The following CNKSR3 variants were observed in gnomAD, a reference collection of about 807,000 sequenced individuals.
CNKSR3 encodes the protein CNKSR family member 3.
CNKSR3 carries 36 observed loss-of-function variants against 67.7 expected under a neutral mutation model. The observed-to-expected ratio is 0.53, with a 90% CI of 0.41 to 0.70. The LOEUF is 0.70. Ranked by LOEUF, CNKSR3 falls within the 30% of genes least tolerant of loss-of-function variation. The pLI is 0.00. For missense variants in CNKSR3, 630 were observed against 695.2 expected (o/e 0.91, Z 1.05); for synonymous variants, 281 against 271.4 (o/e 1.04, Z -0.35).
rs1392873371 is a variant in CNKSR3, at chr6:154,389,710, C to T, written c.*16644G>A. 1 of 152,072 alleles carries T rather than the reference C, an allele frequency of 6.6e-6. No homozygotes were observed. Among genetic ancestry groups the T allele is most frequent in the South Asian group, 2.1e-4 (1 of 4,828 alleles). 9.4% of individuals were successfully genotyped at this position (152,072 alleles called of 1,614,324 possible). On this transcript the variant is annotated 3_prime_UTR_variant, in exon 13 of 13. Coordinates refer to ENST00000607772, the MANE Select transcript of CNKSR3 (RefSeq NM_173515.4). ...AGGAATTCAATAAAGTTGCATAATA[C>T]AAAATCAACATACAAAAATCAGTTG... is the stretch of plus-strand genomic sequence containing the variant.
At chr6:154,476,411 C>T (rs550979765) in intron 1 of CNKSR3, among the ~76,000 whole-genome samples, 8 of 147,208 alleles carry the variant, frequency 5.4e-5, no homozygotes, top group East Asian at 2.0e-4. Context: ...GAGCCGAGAT[C>T]GTGCCATTGC....
At chr6:154,435,780 C>G (rs1785458889) in intron 4 of CNKSR3, among the ~76,000 whole-genome samples, 1 of 152,228 alleles carries the variant, frequency 6.6e-6, no homozygotes, top group South Asian at 2.1e-4. Flanking sequence ...CTCAGCACCC[C>G]CCTGCCTCTC....
At chr6:154,410,173 G>T (rs1481811538) in intron 12 of CNKSR3, among the ~76,000 whole-genome samples, 170 bp downstream of exon 12, 1 of 152,172 alleles carries the variant, frequency 6.6e-6, no homozygotes, top group Non-Finnish European at 1.5e-5. Context: ...AAATAAGTAG[G>T]ATCTTAAAGA....
At chr6:154,446,222 G>A (rs756872692) in intron 2 of CNKSR3, among the ~76,000 whole-genome samples, 1 of 152,026 alleles carries the variant, frequency 6.6e-6, no homozygotes, top group Non-Finnish European at 1.5e-5. Flanking sequence ...ACACTAAATG[G>A]GAGAAAAGGA....
Position 154,487,262 on chromosome 6 carries a change from A to C in CNKSR3, c.52+22801T>G, listed in dbSNP as rs1385728989. The stretch of plus-strand genomic sequence containing the variant: ...GGAAGATGTGATTTTTTTTTCCAGG[A>C]TATGCCTGAGTTCTATGCAACAAAA... On this transcript the variant is annotated intron_variant, in intron 1 of 12. Coordinates refer to ENST00000607772, the MANE Select transcript of CNKSR3 (RefSeq NM_173515.4). Among the ~76,000 whole-genome samples, 10 of 152,226 alleles carry C rather than the reference A, an allele frequency of 6.6e-5. No homozygotes were observed. In the East Asian group the frequency reaches 1.9e-3, roughly 29 times the overall value.
chr6:154,407,401 CA>C (rs1259613366), intron 12 of CNKSR3, among the ~76,000 whole-genome samples: 1 of 152,164 alleles, frequency 6.6e-6, no homozygotes, highest in East Asian at 1.9e-4. Context: ...AAATACAGTA[CA>C]CTTTGGTAAC....
At chr6:154,441,596 G>C (rs2128717600) in intron 3 of CNKSR3, among the ~76,000 whole-genome samples, 1 of 152,272 alleles carries the variant, frequency 6.6e-6, no homozygotes, top group South Asian at 2.1e-4. Context: ...CAACTCTCCT[G>C]CCTCAGCCTC....
rs1785408377 is a variant in CNKSR3 at position 154,433,391 on chromosome 6, A to G, written c.549+75T>C. On this transcript the variant is annotated intron_variant, in intron 5 of 12. Coordinates refer to ENST00000607772, the MANE Select transcript of CNKSR3 (RefSeq NM_173515.4). ...AGTATCTCCTGAAGTAATTAGCCAC[A>G]GGGCATTTACTTAATGTGATTCCCA... is the stretch of plus-strand genomic sequence containing the variant. 6.1e-6 allele frequency: 6 copies of G among 976,068 alleles called. No individual in the cohort carries two copies. In the South Asian group the frequency reaches 8.4e-5, roughly 14 times the overall value. 60.5% of individuals were successfully genotyped at this position (976,068 alleles called of 1,614,324 possible). A position where few individuals can be genotyped will look rare whatever the true frequency, so the allele number is the denominator to read the frequency against.
At chr6:154,458,006 TGC>T (rs1785995328) in intron 1 of CNKSR3, among the ~76,000 whole-genome samples, 1 of 152,242 alleles carries the variant, frequency 6.6e-6, no homozygotes, top group Non-Finnish European at 1.5e-5. Flanking sequence ...GGCCAAATCC[TGC>T]CAGCTGCCTG....
At chr6:154,507,331 C>T (rs1192523276) in intron 1 of CNKSR3, among the ~76,000 whole-genome samples, 3 of 152,184 alleles carry the variant, frequency 2.0e-5, no homozygotes, top group Non-Finnish European at 2.9e-5. Context: ...CAGGTTTAGA[C>T]AGTTTTAAAT....
intron 1 of CNKSR3, among the ~76,000 whole-genome samples, chr6:154,451,523 GTGCACACACGCACACGCACAGA>G (rs879685156): frequency 0.017 from 1,782 of 102,576 alleles, 119 homozygotes; most frequent in Admixed American, 0.16. Flanking sequence ...GCGCACACTC[GTGCACACACGCACACGCACAGA>G]TGCACACACA....
intron 4 of CNKSR3, 131 bp downstream of exon 4, chr6:154,441,161 T>C: frequency 1.7e-6 from 1 of 605,104 alleles, no homozygotes; most frequent in Non-Finnish European, 2.9e-6. Context: ...TCTTCCCAGC[T>C]CTGATGGAAA....
At chr6:154,411,305 AC>A (rs1378122747) in intron 10 of CNKSR3, among the ~76,000 whole-genome samples, 163 bp from the exon 11 acceptor site, 1 of 152,200 alleles carries the variant, frequency 6.6e-6, no homozygotes, top group Non-Finnish European at 1.5e-5. Flanking sequence ...CCGCTCAAAT[AC>A]ATACAGATCC....
At chr6:154,506,636 G>T (rs1161818786) in intron 1 of CNKSR3, among the ~76,000 whole-genome samples, 1 of 152,242 alleles carries the variant, frequency 6.6e-6, no homozygotes, top group African/African-American at 2.4e-5. Flanking sequence ...CCTACGCCAT[G>T]TGCTACGAAT....
Position 154,411,076 on chromosome 6 carries a change from C to T in CNKSR3, c.1137G>A (p.Lys379=), listed in dbSNP as rs1584052103. The change falls in exon 11 of 13, where the codon AAG becomes AAA. Residue 379 remains lysine, a synonymous_variant. Transcript: ENST00000607772. ...AGAAGGAATTCGGGGACTCTGAACC[C>T]TTAGGACCAGGCAATGGTTGTTTGC... ...SKCKQPLPGP[K]GSESPNSFLD... is the part of the protein sequence containing the mutation. 6.2e-7 allele frequency: 1 copy of T among 1,614,082 alleles called. No homozygotes were observed. Among genetic ancestry groups the T allele is most frequent in the African/African-American group, 1.3e-5 (1 of 75,024 alleles).
At chr6:154,505,590 C>T (rs62432727) in intron 1 of CNKSR3, among the ~76,000 whole-genome samples, 21,021 of 150,482 alleles carry the variant, frequency 0.14, 1,726 homozygotes, top group Middle Eastern at 0.17. Flanking sequence ...CTCCGCCTCC[C>T]GGGTTCATGC....
Position 154,422,671 on chromosome 6 carries a change from G to C in CNKSR3, c.799-19C>G. On this transcript the variant is annotated intron_variant, in intron 8 of 12. Transcript: ENST00000607772. ...ATCCCACCTTCAAAGAAAGCAAATGGGGAGGGAAGACTTGCTCATGAATAA... is the reference window on the plus strand; with the variant it reads ...ATCCCACCTTCAAAGAAAGCAAATGCGGAGGGAAGACTTGCTCATGAATAA... 1 of 1,612,278 alleles carries C rather than the reference G, an allele frequency of 6.2e-7. No individual in the cohort carries two copies. Among genetic ancestry groups the C allele is most frequent in the Non-Finnish European group, 8.5e-7 (1 of 1,179,570 alleles).
chr6:154,447,320 T>A (rs1174475472), intron 2 of CNKSR3, among the ~76,000 whole-genome samples: 3 of 152,160 alleles, frequency 2.0e-5, no homozygotes, highest in Non-Finnish European at 4.4e-5. Flanking sequence ...ATTTTTTTTT[T>A]ATTTTAGTTG....
intron 3 of CNKSR3, 49 bp downstream of exon 3, chr6:154,442,039 G>A: frequency 6.7e-7 from 1 of 1,485,208 alleles, no homozygotes; most frequent in Non-Finnish European, 9.1e-7. Context: ...CATGCAGCTT[G>A]GACTCTATCT....
Sources: allele counts gnomAD v4.1 joint callset (sites outside exome capture counted in the v4.1 genomes callset), GRCh38; gene constraint gnomAD v4.1.1; transcripts MANE v1.5; gene names NCBI Gene and HGNC (gene_info 2026-07-23, HGNC 2026-07-21).